LINGO2: variants seen among roughly 807,000 people sequenced by gnomAD.
LINGO2 encodes the protein leucine-rich repeat and immunoglobulin-like domain-containing nogo receptor-interacting protein 2.
Under a neutral mutation model 30.6 loss-of-function variants are expected in LINGO2, and 14 were observed. The observed-to-expected ratio is 0.46, with a 90% CI of 0.30 to 0.72. The LOEUF (loss-of-function observed/expected upper bound fraction) is 0.72, where lower values mean the gene tolerates loss of function less well. Among genes scored for constraint, LINGO2 ranks in the 30% least tolerant of loss-of-function variants. The probability of loss-of-function intolerance (pLI) is 0.07; values close to 1 mark genes in which losing one functional copy is unlikely to be tolerated. For missense variants in LINGO2, 729 were observed against 751.7 expected (o/e 0.97, Z 0.35); for synonymous variants, 317 against 288.5 (o/e 1.10, Z -1.00).
the LINGO2 span, among the ~76,000 whole-genome samples, chr9:28,841,668 G>C: frequency 6.6e-6 from 1 of 151,564 alleles, no homozygotes; most frequent in Non-Finnish European, 1.5e-5. Context: ...GAGGTGGGTG[G>C]GTTGGGAATT....
chr9:28,728,245 T>A, the LINGO2 span, among the ~76,000 whole-genome samples: 1 of 151,894 alleles, frequency 6.6e-6, no homozygotes, highest in Non-Finnish European at 1.5e-5. Flanking sequence ...CACAACCCCC[T>A]CCCCTTCACT....
intron 2 of LINGO2, among the ~76,000 whole-genome samples, chr9:28,393,622 A>C (rs560046537): frequency 3.9e-5 from 6 of 152,304 alleles, no homozygotes; most frequent in Non-Finnish European, 8.8e-5. Flanking sequence ...GGGTAACAAG[A>C]GGTAGATAAA....
the LINGO2 span, among the ~76,000 whole-genome samples, chr9:29,057,400 T>C: frequency 1.3e-5 from 2 of 152,170 alleles, no homozygotes; most frequent in Non-Finnish European, 2.9e-5. Context: ...AAATAGGCAA[T>C]CATTTATAAA....
At chr9:28,440,772 A>T (rs1392184219) in intron 2 of LINGO2, among the ~76,000 whole-genome samples, 1 of 152,226 alleles carries the variant, frequency 6.6e-6, no homozygotes, top group Non-Finnish European at 1.5e-5. Context: ...GAAACATACT[A>T]CATATGCCTC....
chr9:28,196,349 G>T (rs1820012429), intron 4 of LINGO2, among the ~76,000 whole-genome samples: 1 of 151,566 alleles, frequency 6.6e-6, no homozygotes, highest in African/African-American at 2.4e-5. Context: ...TATATTCTTG[G>T]AAGAGCCCAG....
At chr9:28,232,530 T>C (rs1440338897) in intron 4 of LINGO2, among the ~76,000 whole-genome samples, 1 of 152,126 alleles carries the variant, frequency 6.6e-6, no homozygotes, top group African/African-American at 2.4e-5. Context: ...TGATGTTTTG[T>C]TATATGTAAA....
chr9:28,355,414 T>C (rs997962126), intron 3 of LINGO2, among the ~76,000 whole-genome samples: 2 of 144,660 alleles, frequency 1.4e-5, no homozygotes, highest in East Asian at 4.2e-4. Flanking sequence ...TGTGTGTGCA[T>C]TGCCTTGGAA....
the LINGO2 span, among the ~76,000 whole-genome samples, chr9:28,701,897 G>A: frequency 6.6e-6 from 1 of 151,818 alleles, no homozygotes; most frequent in South Asian, 2.1e-4. Flanking sequence ...GGGTGCTAGT[G>A]TAAACAGTAC....
intron 1 of LINGO2, among the ~76,000 whole-genome samples, chr9:28,632,881 T>TATATAGAGAG (rs1554648086): frequency 1.6e-5 from 1 of 61,914 alleles, no homozygotes; most frequent in African/African-American, 6.9e-5. Flanking sequence ...TATATATATG[T>TATATAGAGAG]AGAGAGAGAG....
chr9:29,083,980 G>A, the LINGO2 span, among the ~76,000 whole-genome samples: 9 of 152,016 alleles, frequency 5.9e-5, no homozygotes, highest in South Asian at 4.2e-4. Flanking sequence ...TCTACCTGGT[G>A]TACAATCTTT....
At chr9:28,043,853 C>T (rs1824301155) in intron 4 of LINGO2, among the ~76,000 whole-genome samples, 1 of 152,162 alleles carries the variant, frequency 6.6e-6, no homozygotes, top group Admixed American at 6.5e-5. Flanking sequence ...AACAATAATT[C>T]CCTATAATCA....
chr9:28,939,979 G>A, the LINGO2 span, among the ~76,000 whole-genome samples: 1 of 152,062 alleles, frequency 6.6e-6, no homozygotes, highest in East Asian at 1.9e-4. Flanking sequence ...CAATACTTAC[G>A]AAACTAATTA....
At chr9:28,914,135 C>T in the LINGO2 span, among the ~76,000 whole-genome samples, 1 of 152,006 alleles carries the variant, frequency 6.6e-6, no homozygotes, top group African/African-American at 2.4e-5. Flanking sequence ...GGGCAGAAAC[C>T]CATTAGCTAC....
chr9:28,146,527 C>A (rs1176852301), intron 4 of LINGO2, among the ~76,000 whole-genome samples: 1 of 151,304 alleles, frequency 6.6e-6, no homozygotes, highest in Non-Finnish European at 1.5e-5. Flanking sequence ...TTTAGAAAAA[C>A]ATAAACTACC....
intron 1 of LINGO2, among the ~76,000 whole-genome samples, chr9:28,521,960 G>C (rs1820845638): frequency 6.6e-6 from 1 of 152,174 alleles, no homozygotes; most frequent in African/African-American, 2.4e-5. Flanking sequence ...AAGCAAGGGA[G>C]GATCCTTCTC....
chr9:28,566,566 T>C (rs576492010), intron 1 of LINGO2, among the ~76,000 whole-genome samples: 22 of 152,230 alleles, frequency 1.4e-4, no homozygotes, highest in African/African-American at 4.1e-4. Context: ...CCCTCAGATG[T>C]TGTGTATGGG....
At chr9:28,752,837 T>A in the LINGO2 span, among the ~76,000 whole-genome samples, 1 of 152,048 alleles carries the variant, frequency 6.6e-6, no homozygotes, top group African/African-American at 2.4e-5. Context: ...TTTTGCCTCC[T>A]GGCTCTCCCA....
intron 1 of LINGO2, among the ~76,000 whole-genome samples, chr9:28,625,020 G>A (rs1386400514): frequency 2.0e-5 from 3 of 151,814 alleles, no homozygotes; most frequent in Non-Finnish European, 4.4e-5. Context: ...CTAGTCCCCT[G>A]GCTCGAAGAC....
chr9:28,560,644 GT>G (rs1275929134), intron 1 of LINGO2, among the ~76,000 whole-genome samples: 3 of 151,728 alleles, frequency 2.0e-5, no homozygotes, highest in Non-Finnish European at 4.4e-5. Flanking sequence ...ACTGTTTGGC[GT>G]TTTTATTTTT....
Sources: gnomAD v4.1 joint callset for allele counts (sites outside exome capture counted in the v4.1 genomes callset) on GRCh38, gnomAD v4.1.1 for gene constraint, MANE v1.5 for transcripts, NCBI Gene and HGNC (gene_info 2026-07-23, HGNC 2026-07-21) for gene names.